TP63: variants seen among roughly 807,000 people sequenced by gnomAD.
The protein encoded by TP63 is tumor protein 63.
In TP63, 17 loss-of-function variants were observed where a neutral mutation model predicts 82.8. The observed-to-expected ratio is 0.21, with a 90% CI of 0.14 to 0.31. The LOEUF is 0.31. TP63 is among the 10% of genes least tolerant of loss of function. The probability of loss-of-function intolerance (pLI) is 1.00; values close to 1 mark genes in which losing one functional copy is unlikely to be tolerated. For synonymous variants in TP63, 330 were observed against 321.7 expected (o/e 1.03, Z -0.28); for missense variants, 648 against 895.3 (o/e 0.72, Z 3.52).
intron 3 of TP63, among the ~76,000 whole-genome samples, chr3:189,786,853 C>G (rs1277811739): frequency 6.6e-6 from 1 of 151,892 alleles, no homozygotes; most frequent in Non-Finnish European, 1.5e-5. Context: ...TAACTTACAC[C>G]ACTAGGTGGT....
chr3:189,618,005 T>A, the TP63 span, among the ~76,000 whole-genome samples: 1 of 152,216 alleles, frequency 6.6e-6, no homozygotes, highest in African/African-American at 2.4e-5. Context: ...CTGTACCCAA[T>A]ATACAGTTAC....
chr3:189,840,431 T>C (rs1713901878), intron 4 of TP63, among the ~76,000 whole-genome samples: 1 of 146,612 alleles, frequency 6.8e-6, no homozygotes, highest in African/African-American at 2.5e-5. Flanking sequence ...AGGCAAACAG[T>C]ATTAAACACT....
At chr3:189,706,698 A>T (rs1718227113) in intron 1 of TP63, among the ~76,000 whole-genome samples, 1 of 152,182 alleles carries the variant, frequency 6.6e-6, no homozygotes, top group South Asian at 2.1e-4. Flanking sequence ...CAGACTCAGA[A>T]TTTGCTATAT....
upstream of TP63, among the ~76,000 whole-genome samples, chr3:189,628,176 A>G (rs1001287491): frequency 6.6e-6 from 1 of 152,126 alleles, no homozygotes; most frequent in African/African-American, 2.4e-5. Flanking sequence ...TATGTAGGAC[A>G]GTAGAAGTGG....
At chr3:189,703,457 T>TAGATAGAC (rs1717971248) in intron 1 of TP63, among the ~76,000 whole-genome samples, 1 of 151,892 alleles carries the variant, frequency 6.6e-6, no homozygotes, top group African/African-American at 2.4e-5. Context: ...GATAGATAGA[T>TAGATAGAC]AGATAGATAC....
intron 4 of TP63, among the ~76,000 whole-genome samples, chr3:189,853,762 G>A (rs757552542): frequency 6.6e-6 from 1 of 152,088 alleles, no homozygotes; most frequent in Non-Finnish European, 1.5e-5. Context: ...CTTTGTCTTT[G>A]TTTAATGCTG....
chr3:189,832,461 G>T (rs1165440531), intron 4 of TP63, among the ~76,000 whole-genome samples: 1 of 152,174 alleles, frequency 6.6e-6, no homozygotes, highest in Non-Finnish European at 1.5e-5. Flanking sequence ...CAGCTCGCCA[G>T]CTAAACCTAA....
At chr3:189,882,589 A>G (rs1025924965) in intron 10 of TP63, among the ~76,000 whole-genome samples, 1 of 151,790 alleles carries the variant, frequency 6.6e-6, no homozygotes, top group African/African-American at 2.4e-5. Context: ...GGCCTAAGCT[A>G]TCACCAAATC....
chr3:189,859,028 A>G (rs561947473), intron 4 of TP63, among the ~76,000 whole-genome samples: 1 of 152,288 alleles, frequency 6.6e-6, no homozygotes, highest in Non-Finnish European at 1.5e-5. Context: ...ACAGTTAGAC[A>G]GAAGGAATAA....
At chr3:189,851,531 C>T (rs1408657821) in intron 4 of TP63, among the ~76,000 whole-genome samples, 3 of 152,088 alleles carry the variant, frequency 2.0e-5, no homozygotes, top group South Asian at 2.1e-4. Context: ...GACAGGATCG[C>T]GCCACTGCAC....
chr3:189,737,103 A>G (rs1382319502), intron 1 of TP63, among the ~76,000 whole-genome samples: 1 of 152,188 alleles, frequency 6.6e-6, no homozygotes, highest in Non-Finnish European at 1.5e-5. Flanking sequence ...TTTGCTTATT[A>G]TTAAGTCTAA....
chr3:189,798,612 C>T (rs1342080562), intron 3 of TP63, among the ~76,000 whole-genome samples: 1 of 152,108 alleles, frequency 6.6e-6, no homozygotes, highest in Non-Finnish European at 1.5e-5. Flanking sequence ...TTCTCTCTGT[C>T]CTCACCAGAG....
chr3:189,785,116 G>T (rs1289487674), intron 3 of TP63, among the ~76,000 whole-genome samples: 1 of 151,896 alleles, frequency 6.6e-6, no homozygotes, highest in African/African-American at 2.4e-5. Context: ...ATTATCAAGG[G>T]CTTGAGATAC....
At chr3:189,636,453 A>T (rs1729787174) in intron 1 of TP63, among the ~76,000 whole-genome samples, 1 of 152,146 alleles carries the variant, frequency 6.6e-6, no homozygotes, top group African/African-American at 2.4e-5. Flanking sequence ...TCAACTCTGA[A>T]ATACACCCCT....
intron 1 of TP63, among the ~76,000 whole-genome samples, chr3:189,692,211 G>C (rs2378515): frequency 6.6e-6 from 1 of 152,034 alleles, no homozygotes; most frequent in Non-Finnish European, 1.5e-5. Flanking sequence ...TTTCCATATG[G>C]ACTTGACATT....
chr3:189,791,660 A>G (rs1369153047), intron 3 of TP63, among the ~76,000 whole-genome samples: 4 of 152,116 alleles, frequency 2.6e-5, no homozygotes, highest in African/African-American at 9.7e-5. Flanking sequence ...GTCTTTTTGC[A>G]TGTTGCCTGC....
Position 189,808,502 on chromosome 3 carries a change from C to T in TP63, c.555C>T (p.Ser185=). Residue 185 remains serine (S), a synonymous_variant, in exon 4 of 14, where the codon AGC becomes AGT. Coordinates refer to ENST00000264731, the MANE Select transcript of TP63 (RefSeq NM_003722.5). ...TCGACGTGTCCTTCCAGCAGTCGAG[C>T]ACCGCCAAGTCGGCCACCTGGACGG... ...HSFDVSFQQS[S]TAKSATWTYS... 2 of 1,614,158 alleles carry T rather than the reference C, an allele frequency of 1.2e-6. No individual in the cohort carries two copies. The highest frequency in any genetic ancestry group is 1.3e-5 in the African/African-American group (1 of 75,062).
intron 3 of TP63, among the ~76,000 whole-genome samples, chr3:189,763,486 A>G (rs1253442074): frequency 6.6e-6 from 1 of 152,156 alleles, no homozygotes; most frequent in Non-Finnish European, 1.5e-5. Context: ...GCCCCTAAGG[A>G]TTTCTTAGTT....
At chr3:189,780,841 G>A (rs1343603009) in intron 3 of TP63, among the ~76,000 whole-genome samples, 1 of 152,152 alleles carries the variant, frequency 6.6e-6, no homozygotes, top group Non-Finnish European at 1.5e-5. Flanking sequence ...TGACAGTGAT[G>A]TCAGTTATCC....
Sources: gnomAD v4.1 joint callset for allele counts (sites outside exome capture counted in the v4.1 genomes callset) on GRCh38, gnomAD v4.1.1 for gene constraint, MANE v1.5 for transcripts, NCBI Gene and HGNC (gene_info 2026-07-23, HGNC 2026-07-21) for gene names.